SYNE1: variants seen among roughly 807,000 people sequenced by gnomAD.
The protein encoded by SYNE1 is spectrin repeat containing nuclear envelope protein 1, also known as nesprin-1.
Under a neutral mutation model 1,111.0 loss-of-function variants are expected in SYNE1, and 616 were observed. The ratio of observed to expected loss-of-function variants is 0.55; its 90% CI spans 0.52 to 0.59. The LOEUF (loss-of-function observed/expected upper bound fraction) is 0.59. Ranked by LOEUF, SYNE1 falls within the 20% of genes least tolerant of loss-of-function variation. The pLI, the probability that SYNE1 is intolerant of heterozygous loss-of-function variation, is 0.00. For missense variants in SYNE1, 10,006 were observed against 10,417.0 expected (o/e 0.96, Z 1.72); for synonymous variants, 3,855 against 3,825.8 (o/e 1.01, Z -0.28).
At chr6:152,523,154 G>GC (rs1554847197) in intron 5 of SYNE1, among the ~76,000 whole-genome samples, 1 of 150,630 alleles carries the variant, frequency 6.6e-6, no homozygotes, top group African/African-American at 2.4e-5. Flanking sequence ...TTTTCTTCTA[G>GC]TTTTTTTTTC....
At chr6:152,564,616 C>T (rs907697378) in intron 3 of SYNE1, among the ~76,000 whole-genome samples, 1 of 152,108 alleles carries the variant, frequency 6.6e-6, no homozygotes, top group African/African-American at 2.4e-5. Context: ...CGTGCCTGGA[C>T]AGGAACGTTT....
At chr6:152,308,786 T>TA (rs1263632245) in intron 90 of SYNE1, among the ~76,000 whole-genome samples, 154 bp from the exon 91 acceptor site, 2 of 152,196 alleles carry the variant, frequency 1.3e-5, no homozygotes, top group Non-Finnish European at 2.9e-5. Context: ...TTCCTCACTT[T>TA]ATGTAGATAT....
In SYNE1 at chr6:152,323,730, T is replaced by C; in HGVS notation, c.15665A>G (p.Lys5222Arg). The change falls in exon 82 of 146, where the codon AAG becomes AGG. Residue 5222 changes from lysine to arginine, a missense_variant. Physicochemically the swap from Lys to Arg is conservative, Grantham distance 26. Coordinates refer to ENST00000367255, the MANE Select transcript of SYNE1 (RefSeq NM_182961.4). ...EWTGFNNKVKKATEMIDQLQD... is the reference protein window; with the variant it reads ...EWTGFNNKVKRATEMIDQLQD... The stretch of plus-strand genomic sequence containing the variant: ...CAGCTGATCAATCATTTCAGTGGCC[T>C]TTTTAACCTGATGACAAATGTACAT... 1 of 1,614,048 alleles carries C rather than the reference T, an allele frequency of 6.2e-7. No homozygotes were observed. Among genetic ancestry groups the C allele is most frequent in the Non-Finnish European group, 8.5e-7 (1 of 1,179,970 alleles).
chr6:152,287,489 T>G (rs2094396599), intron 95 of SYNE1, among the ~76,000 whole-genome samples: 1 of 152,192 alleles, frequency 6.6e-6, no homozygotes, highest in Non-Finnish European at 1.5e-5. Flanking sequence ...GTCCTGGTTA[T>G]TCTTTACTTC....
In SYNE1 at chr6:152,158,222, A is replaced by G. The variant is rs529462759; in HGVS notation, c.23791-2125T>C. ...TTGAACTTTTAACTCCATTTACTCC[A>G]AGTAAGTATTCCATTATTAAAAGTA... On this transcript the variant is annotated intron_variant, in intron 131 of 145. Coordinates refer to ENST00000367255, the MANE Select transcript of SYNE1 (RefSeq NM_182961.4). 2.9e-4 allele frequency among the ~76,000 whole-genome samples: 44 copies of G among 152,340 alleles called. 1 individual carries two copies. Among genetic ancestry groups the G allele is most frequent in the African/African-American group, 1.0e-3 (43 of 41,582 alleles).
At chr6:152,345,120 C>T (rs1485964286) in intron 73 of SYNE1, among the ~76,000 whole-genome samples, 2 of 152,090 alleles carry the variant, frequency 1.3e-5, no homozygotes, top group African/African-American at 4.8e-5. Context: ...GTGTTTTGTT[C>T]TCTTTATCAC....
chr6:152,430,303 T>A (rs904152701), intron 35 of SYNE1, 93 bp from the exon 36 acceptor site: 1 of 1,185,784 alleles, frequency 8.4e-7, no homozygotes, highest in African/African-American at 1.5e-5. Context: ...ACCTACCTTT[T>A]ATGGATAACT....
intron 127 of SYNE1, among the ~76,000 whole-genome samples, chr6:152,191,591 C>G (rs2072403256): frequency 6.6e-6 from 1 of 152,058 alleles, no homozygotes; most frequent in Admixed American, 6.6e-5. Flanking sequence ...GCTAAAGATC[C>G]TTTAAATTTC....
In SYNE1 at chr6:152,430,550, G is replaced by T. The variant is rs777795796; in HGVS notation, c.4621C>A (p.Gln1541Lys). Residue 1541 changes from glutamine (Q) to lysine (K), a missense_variant, in exon 35 of 146, where the codon CAG becomes AAG. Gln to Lys is a moderately conservative substitution (Grantham distance 53). Around this residue, in one of 7 missense-constraint regions of SYNE1, gnomAD observed 1,971 missense variants for 2,084.1 expected, o/e 0.95. Transcript: ENST00000367255. ...RYGEELREHA[Q>K]CLEGTILGHL... The stretch of plus-strand genomic sequence containing the variant: ...CCCAGGATTGTTCCTTCCAGACACT[G>T]TGCATGCTCTCGAAGCTCTTCCCCG... 4 of 1,614,128 alleles carry T rather than the reference G, an allele frequency of 2.5e-6. No individual in the cohort carries two copies. The South Asian group carries it at 4.4e-5, about 18-fold the overall frequency.
chr6:152,376,585 G>T, intron 57 of SYNE1, 27 bp from the exon 58 acceptor site: 1 of 1,611,994 alleles, frequency 6.2e-7, no homozygotes. Flanking sequence ...AAAATTTAAT[G>T]GCAGGAAAAA....
intron 92 of SYNE1, 76 bp from the exon 93 acceptor site, chr6:152,300,857 C>A (rs2095132452): frequency 1.5e-5 from 24 of 1,604,866 alleles, no homozygotes; most frequent in Non-Finnish European, 2.0e-5. Flanking sequence ...CAGGCACAGG[C>A]CAAAACAGAG....
At chr6:152,427,075 A>T (rs1486476722) in intron 38 of SYNE1, among the ~76,000 whole-genome samples, 1 of 152,256 alleles carries the variant, frequency 6.6e-6, no homozygotes, top group Non-Finnish European at 1.5e-5. Flanking sequence ...ATTAATCTCT[A>T]GAAATCAGTA....
chr6:152,344,884 A>G (rs1223923026), intron 73 of SYNE1, among the ~76,000 whole-genome samples: 2 of 152,222 alleles, frequency 1.3e-5, no homozygotes, highest in African/African-American at 4.8e-5. Flanking sequence ...AAGAAAAATT[A>G]TGTGTCTATT....
intron 82 of SYNE1, among the ~76,000 whole-genome samples, chr6:152,323,061 G>T (rs1179066190): frequency 1.3e-5 from 2 of 152,190 alleles, no homozygotes; most frequent in East Asian, 3.9e-4. Context: ...GGAAAAGCAA[G>T]AGTGATGGGA....
At chr6:152,254,308 G>A (rs973845323) in intron 104 of SYNE1, among the ~76,000 whole-genome samples, 3 of 130,292 alleles carry the variant, frequency 2.3e-5, no homozygotes, top group Admixed American at 8.9e-5. Flanking sequence ...CTGGAGTGCA[G>A]TGGTGCAATC....
At chr6:152,342,794 A>C (rs7746517) in intron 74 of SYNE1, among the ~76,000 whole-genome samples, 86,848 of 152,092 alleles carry the variant, frequency 0.57, 25,105 homozygotes, top group East Asian at 0.65. Context: ...TCTCAGCAAT[A>C]ACATTTTCAG....
At chr6:152,202,000 TG>T (rs755614290) in intron 126 of SYNE1, 51 bp from the exon 127 acceptor site, 82 of 1,590,450 alleles carry the variant, frequency 5.2e-5, no homozygotes, top group East Asian at 9.0e-5. Context: ...TGTAGGAAAC[TG>T]GGGGGGGAAA....
chr6:152,593,029 G>A (rs1035804720), intron 3 of SYNE1, among the ~76,000 whole-genome samples: 9 of 152,138 alleles, frequency 5.9e-5, no homozygotes, highest in East Asian at 1.9e-4. Context: ...TTTCTTAAAT[G>A]TATGTACAAC....
intron 3 of SYNE1, among the ~76,000 whole-genome samples, chr6:152,567,356 ATT>A (rs67815614): frequency 6.6e-6 from 1 of 152,052 alleles, no homozygotes; most frequent in Non-Finnish European, 1.5e-5. Context: ...AATGAAAAAG[ATT>A]TTTTTCCCAT....
Sources: allele counts gnomAD v4.1 joint callset (sites outside exome capture counted in the v4.1 genomes callset), GRCh38; gene constraint gnomAD v4.1.1; regional missense constraint gnomAD v4.1.1; transcripts MANE v1.5; gene names NCBI Gene and HGNC (gene_info 2026-07-23, HGNC 2026-07-21).